Variants in ASTN2 observed in about 807,000 individuals in gnomAD.
ASTN2 encodes the protein astrotactin 2.
In ASTN2, 54 loss-of-function variants were observed where a neutral mutation model predicts 139.8. That is an observed-to-expected ratio of 0.39 (90% confidence interval 0.31 to 0.48). The LOEUF (loss-of-function observed/expected upper bound fraction) is 0.48. ASTN2 is among the 20% of genes least tolerant of loss of function. The pLI is 0.95. For synonymous variants in ASTN2, 756 were observed against 719.5 expected, an observed-to-expected ratio of 1.05 and a Z score of -0.81; for missense variants, 1,565 against 1,725.1, an observed-to-expected ratio of 0.91 and a Z score of 1.64.
chr9:116,778,582 T>C (rs1372338), intron 13 of ASTN2, among the ~76,000 whole-genome samples: 57,772 of 151,990 alleles, frequency 0.38, 13,721 homozygotes, highest in Non-Finnish European at 0.52. Flanking sequence ...TGAATAAAAC[T>C]GTTCTCAGGA....
chr9:116,833,371 GTTGT>G (rs1564292513), intron 11 of ASTN2, among the ~76,000 whole-genome samples: 1 of 148,614 alleles, frequency 6.7e-6, no homozygotes, highest in Non-Finnish European at 1.5e-5. Context: ...CATTAACTTC[GTTGT>G]TTTTCTGTTT....
At chr9:117,238,169 C>A (rs957235844) in intron 2 of ASTN2, among the ~76,000 whole-genome samples, 1 of 152,158 alleles carries the variant, frequency 6.6e-6, no homozygotes, top group African/African-American at 2.4e-5. Context: ...GGCAAAGACC[C>A]ACTTGTGGAG....
chr9:116,504,261 G>A (rs992692418), intron 19 of ASTN2: 2 of 152,138 alleles, frequency 1.3e-5, no homozygotes, highest in African/African-American at 4.8e-5. Flanking sequence ...AATTGGAATG[G>A]TGAGCTTTGG....
At chr9:117,108,626 T>G (rs1399333008) in intron 4 of ASTN2, among the ~76,000 whole-genome samples, 2 of 152,184 alleles carry the variant, frequency 1.3e-5, no homozygotes, top group Non-Finnish European at 2.9e-5. Flanking sequence ...AATATACTTG[T>G]GAGAACCAGA....
At chr9:116,861,970 CTTCTT>C (rs1464874336) in intron 11 of ASTN2, among the ~76,000 whole-genome samples, 4 of 52,950 alleles carry the variant, frequency 7.6e-5, no homozygotes, top group Non-Finnish European at 1.0e-4. Flanking sequence ...GCATTTCCTT[CTTCTT>C]TTTTTTTTTT....
intron 12 of ASTN2, among the ~76,000 whole-genome samples, chr9:116,814,906 T>G (rs2132261110): frequency 6.6e-6 from 1 of 152,336 alleles, no homozygotes; most frequent in Non-Finnish European, 1.5e-5. Context: ...TCGGTGAGCA[T>G]TTTTTACACC....
intron 3 of ASTN2, among the ~76,000 whole-genome samples, chr9:117,165,612 G>C (rs924162611): frequency 6.6e-6 from 1 of 152,098 alleles, no homozygotes; most frequent in African/African-American, 2.4e-5. Flanking sequence ...GGGGTCCTGA[G>C]AGTGAGGGCC....
chr9:117,161,708 C>G (rs909885417), intron 3 of ASTN2, among the ~76,000 whole-genome samples: 2 of 151,882 alleles, frequency 1.3e-5, no homozygotes, highest in African/African-American at 4.8e-5. Flanking sequence ...GGAGGCTTCT[C>G]TAAAGACTCT....
At chr9:116,490,759 C>T (rs1849495833) in intron 19 of ASTN2, among the ~76,000 whole-genome samples, 1 of 152,046 alleles carries the variant, frequency 6.6e-6, no homozygotes, top group Non-Finnish European at 1.5e-5. Flanking sequence ...CATGGGGTAA[C>T]CACCCCCATA....
chr9:117,378,612 C>T (rs1830186043), intron 1 of ASTN2, among the ~76,000 whole-genome samples: 1 of 152,188 alleles, frequency 6.6e-6, no homozygotes, highest in Non-Finnish European at 1.5e-5. Context: ...GAAAACCAGA[C>T]TGAGTGTGTC....
chr9:116,788,470 A>T (rs1168633451), intron 13 of ASTN2, among the ~76,000 whole-genome samples: 1 of 152,170 alleles, frequency 6.6e-6, no homozygotes, highest in Non-Finnish European at 1.5e-5. Flanking sequence ...TAAAATATAT[A>T]TTAAAAATAA....
chr9:117,344,057 T>C (rs1296317482), intron 1 of ASTN2, among the ~76,000 whole-genome samples: 1 of 151,658 alleles, frequency 6.6e-6, no homozygotes, highest in East Asian at 1.9e-4. Context: ...AGGAAAAGCA[T>C]CTCCCAAGGT....
intron 2 of ASTN2, among the ~76,000 whole-genome samples, chr9:117,256,953 C>T (rs1269485264): frequency 6.6e-6 from 1 of 151,390 alleles, no homozygotes; most frequent in Non-Finnish European, 1.5e-5. Context: ...AAATTTGATC[C>T]AAAAGATGTT....
At chr9:117,045,441 C>A (rs1221035502) in intron 5 of ASTN2, among the ~76,000 whole-genome samples, 1 of 152,022 alleles carries the variant, frequency 6.6e-6, no homozygotes, top group African/African-American at 2.4e-5. Flanking sequence ...TCCACCCGGG[C>A]ATATTGATTG....
At chr9:117,354,428 C>T (rs1829479388) in intron 1 of ASTN2, among the ~76,000 whole-genome samples, 1 of 152,144 alleles carries the variant, frequency 6.6e-6, no homozygotes, top group South Asian at 2.1e-4. Flanking sequence ...GAATTGAATG[C>T]TGCTCACCTT....
chr9:117,244,133 G>A (rs572357507), intron 2 of ASTN2, among the ~76,000 whole-genome samples: 41 of 152,160 alleles, frequency 2.7e-4, no homozygotes, highest in Non-Finnish European at 1.3e-4. Context: ...CATGTAAGAC[G>A]TGCCTCTTCC....
chr9:116,461,438 A>ACT (rs1564292086), intron 20 of ASTN2, among the ~76,000 whole-genome samples: 50 of 152,228 alleles, frequency 3.3e-4, no homozygotes, highest in African/African-American at 1.2e-3. Context: ...ATATGTACAC[A>ACT]TATATAGGTG....
intron 17 of ASTN2, among the ~76,000 whole-genome samples, chr9:116,631,611 C>A (rs1245634477): frequency 6.6e-6 from 1 of 151,596 alleles, no homozygotes; most frequent in African/African-American, 2.4e-5. Flanking sequence ...TTAACAGATA[C>A]AAAAATACAG....
At chr9:116,836,018 C>T (rs760151340) in intron 11 of ASTN2, among the ~76,000 whole-genome samples, 4 of 152,128 alleles carry the variant, frequency 2.6e-5, no homozygotes, top group African/African-American at 4.8e-5. Context: ...AGGTAGTGGC[C>T]TTGTTACTGA....
Sources: allele counts gnomAD v4.1 joint callset (sites outside exome capture counted in the v4.1 genomes callset), GRCh38; gene constraint gnomAD v4.1.1; transcripts MANE v1.5; gene names NCBI Gene and HGNC (gene_info 2026-07-23, HGNC 2026-07-21).